Variants in GRXCR1 observed in about 807,000 individuals in gnomAD.
The protein encoded by GRXCR1 is glutaredoxin domain-containing cysteine-rich protein 1.
GRXCR1 carries 27 observed loss-of-function variants against 27.3 expected under a neutral mutation model. The observed-to-expected ratio is 0.99, with a 90% confidence interval of 0.73 to 1.37. The LOEUF (loss-of-function observed/expected upper bound fraction) is 1.37, where lower values mean the gene tolerates loss of function less well. Ranked by LOEUF, GRXCR1 falls within the 40% of genes most tolerant of loss-of-function variation. GRXCR1 has a pLI of 0.00. For missense variants in GRXCR1, 379 were observed against 354.4 expected (o/e 1.07, Z -0.56); for synonymous variants, 122 against 131.1 (o/e 0.93, Z 0.47).
At chr4:42,948,658 A>G (rs34264676) in intron 1 of GRXCR1, among the ~76,000 whole-genome samples, 25,730 of 151,936 alleles carry the variant, frequency 0.17, 2,240 homozygotes, top group South Asian at 0.21. Flanking sequence ...GAACCTGTGA[A>G]TATGTTAATT....
intron 1 of GRXCR1, among the ~76,000 whole-genome samples, chr4:42,940,177 G>C (rs1310003015): frequency 6.6e-6 from 1 of 152,088 alleles, no homozygotes; most frequent in Non-Finnish European, 1.5e-5. Context: ...TGGAATTAAA[G>C]TGTGGGAGTC....
chr4:42,997,551 A>G (rs1023806255), intron 2 of GRXCR1, among the ~76,000 whole-genome samples: 2 of 152,294 alleles, frequency 1.3e-5, no homozygotes, highest in African/African-American at 4.8e-5. Flanking sequence ...GAGATAGCAA[A>G]GGACTTGCTC....
intron 1 of GRXCR1, among the ~76,000 whole-genome samples, chr4:42,913,038 G>T (rs147961406): frequency 2.6e-5 from 4 of 152,092 alleles, no homozygotes; most frequent in Non-Finnish European, 5.9e-5. Context: ...CACCACGATT[G>T]TAAGTTTCCT....
chr4:42,986,550 C>A (rs962219750), intron 2 of GRXCR1, among the ~76,000 whole-genome samples: 1 of 152,148 alleles, frequency 6.6e-6, no homozygotes, highest in Non-Finnish European at 1.5e-5. Flanking sequence ...TACGGAATAT[C>A]TGATGGGTAG....
At chr4:42,962,527 A>G (rs895197930) in intron 1 of GRXCR1, among the ~76,000 whole-genome samples, 7 of 151,964 alleles carry the variant, frequency 4.6e-5, no homozygotes, top group Non-Finnish European at 8.8e-5. Flanking sequence ...TCTGTGGCAT[A>G]AACTTTAGGT....
At chr4:42,949,022 C>G (rs970780961) in intron 1 of GRXCR1, among the ~76,000 whole-genome samples, 1 of 152,068 alleles carries the variant, frequency 6.6e-6, no homozygotes, top group African/African-American at 2.4e-5. Context: ...AGTACAGCGG[C>G]AATAGGAAAC....
At chr4:42,922,754 A>G (rs1747045119) in intron 1 of GRXCR1, among the ~76,000 whole-genome samples, 1 of 151,986 alleles carries the variant, frequency 6.6e-6, no homozygotes, top group Non-Finnish European at 1.5e-5. Flanking sequence ...GTCTTTTGTT[A>G]TCAGTCATAA....
At chr4:42,922,513 G>A (rs1237620309) in intron 1 of GRXCR1, among the ~76,000 whole-genome samples, 1 of 152,140 alleles carries the variant, frequency 6.6e-6, no homozygotes, top group African/African-American at 2.4e-5. Flanking sequence ...CATCTGGAGA[G>A]ATAGTTCTGC....
intron 1 of GRXCR1, among the ~76,000 whole-genome samples, chr4:42,920,164 T>A (rs984661188): frequency 3.3e-5 from 5 of 152,060 alleles, no homozygotes; most frequent in Admixed American, 3.3e-4. Context: ...AAATGACAAA[T>A]GACTTCTAGA....
At chr4:42,995,063 A>G (rs1273924457) in intron 2 of GRXCR1, among the ~76,000 whole-genome samples, 1 of 152,198 alleles carries the variant, frequency 6.6e-6, no homozygotes, top group Non-Finnish European at 1.5e-5. Flanking sequence ...AATATTTATC[A>G]AAAGCATTTT....
At chr4:42,963,687 C>A (rs1748178567) in intron 2 of GRXCR1, among the ~76,000 whole-genome samples, 1 of 151,930 alleles carries the variant, frequency 6.6e-6, no homozygotes, top group Non-Finnish European at 1.5e-5. Flanking sequence ...CCCAGAGCAG[C>A]AGCAGAACAT....
At chr4:42,957,479 G>GAGA (rs1748032017) in intron 1 of GRXCR1, among the ~76,000 whole-genome samples, 1 of 151,916 alleles carries the variant, frequency 6.6e-6, no homozygotes, top group South Asian at 2.1e-4. Flanking sequence ...GGTTTGGAAA[G>GAGA]TTCTCTGTCT....
At position 42,963,109 on chromosome 4, in the gene GRXCR1, T is replaced by C; in HGVS notation, c.602T>C (p.Val201Ala). 6.2e-7 allele frequency: 1 copy of C among 1,612,772 alleles called. No homozygotes were observed. The highest frequency in any genetic ancestry group is 8.5e-7 in the Non-Finnish European group (1 of 1,179,046). ...RVSEAPSLPV[V>A]FIDGHYLGGA... ...TCTGAAGCTCCTTCCCTCCCTGTTG[T>C]GTTCATTGATGGCCATTACCTTGGG... is the stretch of plus-strand genomic sequence containing the variant. Residue 201 changes from valine to alanine, a missense_variant, in exon 2 of 4, where the codon GTG (valine) becomes GCG (alanine). Val to Ala is a moderately conservative substitution (Grantham distance 64). Transcript: ENST00000399770.
intron 2 of GRXCR1, among the ~76,000 whole-genome samples, chr4:43,012,450 T>A (rs1409348472): frequency 6.6e-6 from 1 of 152,188 alleles, no homozygotes; most frequent in Non-Finnish European, 1.5e-5. Context: ...CCAAAGACAA[T>A]GTAAGACTTT....
chr4:43,000,446 A>G (rs1712314058), intron 2 of GRXCR1, among the ~76,000 whole-genome samples: 1 of 144,230 alleles, frequency 6.9e-6, no homozygotes, highest in African/African-American at 2.6e-5. Context: ...ACTGCACTCC[A>G]GCCTGGTGAC....
In GRXCR1 at chr4:42,940,129, A is replaced by C. The variant is rs1012819490; in HGVS notation, c.385-22763A>C. ...ATGGGAGGATCTTTCTGAGTTCTTC[A>C]TGGTGAGAATCTGCTGGAATTCCTG... On this transcript the variant is annotated intron_variant, in intron 1 of 3. Transcript: ENST00000399770. 3.3e-5 allele frequency among the ~76,000 whole-genome samples: 5 copies of C among 152,118 alleles called. No individual in the cohort carries two copies. In the South Asian group the frequency reaches 1.0e-3, roughly 32 times the overall value.
chr4:42,902,204 A>G (rs1393485407), intron 1 of GRXCR1, among the ~76,000 whole-genome samples: 1 of 152,166 alleles, frequency 6.6e-6, no homozygotes, highest in Non-Finnish European at 1.5e-5. Context: ...GAATTAAGAG[A>G]AGATTAAGCA....
chr4:42,963,875 T>C (rs865873792), intron 2 of GRXCR1, among the ~76,000 whole-genome samples: 5 of 152,084 alleles, frequency 3.3e-5, no homozygotes, highest in African/African-American at 7.2e-5. Flanking sequence ...TGATCACTTA[T>C]CACAGAACAG....
At chr4:42,923,218 G>T (rs989655234) in intron 1 of GRXCR1, among the ~76,000 whole-genome samples, 1 of 152,084 alleles carries the variant, frequency 6.6e-6, no homozygotes, top group Non-Finnish European at 1.5e-5. Context: ...CCTACTCAAT[G>T]GTCCTCTGTC....
Sources: gnomAD v4.1 joint callset for allele counts (sites outside exome capture counted in the v4.1 genomes callset) on GRCh38, gnomAD v4.1.1 for gene constraint, MANE v1.5 for transcripts, NCBI Gene and HGNC (gene_info 2026-07-23, HGNC 2026-07-21) for gene names.